SPTB: variants seen among roughly 807,000 people sequenced by gnomAD.
SPTB encodes the protein spectrin beta chain, erythrocytic.
SPTB carries 45 observed loss-of-function variants against 256.2 expected under a neutral mutation model. That is an observed-to-expected ratio of 0.18 (90% CI 0.14 to 0.23). The LOEUF (loss-of-function observed/expected upper bound fraction) is 0.23. Ranked by LOEUF, SPTB falls within the 10% of genes least tolerant of loss-of-function variation. The probability of loss-of-function intolerance (pLI) is 1.00; values close to 1 mark genes in which losing one functional copy is unlikely to be tolerated. For missense variants in SPTB, 2,715 were observed against 3,040.4 expected, an observed-to-expected ratio of 0.89 and a Z score of 2.52; for synonymous variants, 1,231 against 1,243.1, an observed-to-expected ratio of 0.99 and a Z score of 0.21.
chr14:64,836,117 C>A (rs1467774290), intron 1 of SPTB, among the ~76,000 whole-genome samples: 1 of 152,154 alleles, frequency 6.6e-6, no homozygotes, highest in African/African-American at 2.4e-5. Flanking sequence ...CACTTCAAGG[C>A]CTTAGCCATA....
At position 64,774,479 on chromosome 14, in the gene SPTB, G is replaced by A. The variant is rs372503030; in HGVS notation, c.4891C>T (p.Arg1631Cys). ...VMLKRHLRQQRAVEDYGRNIK... is the reference protein window; with the variant it reads ...VMLKRHLRQQCAVEDYGRNIK... Reference sequence around the variant, plus strand: ...TTCCGGCCGTAGTCCTCCACCGCACGCTGCTGCCGCAAATGTCGCTTCAGC... The same window carrying A: ...TTCCGGCCGTAGTCCTCCACCGCACACTGCTGCCGCAAATGTCGCTTCAGC... Residue 1631 changes from arginine (R) to cysteine (C), a missense_variant, in exon 24 of 36, where the codon CGT becomes TGT. By Grantham distance (180) the Arg-to-Cys change is radical. This residue lies in a region of SPTB where 2,239 missense variants were observed against 2,384.4 expected (regional missense o/e 0.94). Coordinates refer to ENST00000644917, the MANE Select transcript of SPTB (RefSeq NM_001355436.2). 113 of 1,556,072 alleles carry A rather than the reference G, an allele frequency of 7.3e-5. No individual in the cohort carries two copies. Among genetic ancestry groups the A allele is most frequent in the Admixed American group, 5.4e-4 (28 of 51,740 alleles).
intron 1 of SPTB, among the ~76,000 whole-genome samples, chr14:64,834,038 CT>C (rs1397429891): frequency 6.6e-6 from 1 of 151,888 alleles, no homozygotes; most frequent in East Asian, 1.9e-4. Flanking sequence ...TTTTTTGTTT[CT>C]TTTTTAAAAC....
Position 64,875,856 on chromosome 14 carries a change from C to G in SPTB, c.-52+3936G>C, listed in dbSNP as rs1253550705. 2.6e-5 allele frequency among the ~76,000 whole-genome samples: 4 copies of G among 152,228 alleles called. No homozygotes were observed. The East Asian group carries it at 7.7e-4, about 29-fold the overall frequency. On this transcript the variant is annotated intron_variant, in intron 1 of 35. Coordinates refer to ENST00000644917, the MANE Select transcript of SPTB (RefSeq NM_001355436.2). ...CCCACATAGCACAGTTATTTTCACT[C>G]TTGATCTTCCCAAGTTCATTGATAA...
chr14:64,781,274 A>G (rs1234867766), intron 20 of SPTB, among the ~76,000 whole-genome samples: 1 of 152,250 alleles, frequency 6.6e-6, no homozygotes, highest in Non-Finnish European at 1.5e-5. Context: ...AACTATCAAC[A>G]GAGTAAACAG....
Position 64,772,367 on chromosome 14 carries a change from T to A in SPTB, c.5553+213A>T, listed in dbSNP as rs952816827. Among the ~76,000 whole-genome samples the A allele has an allele frequency of 4.6e-5, 7 of 152,246 alleles. No homozygotes were observed. The highest frequency in any genetic ancestry group is 1.7e-4 in the African/African-American group (7 of 41,462). On this transcript the variant is annotated intron_variant, in intron 26 of 35. Transcript: ENST00000644917. The surrounding 1 kb of genome is among the most constrained non-coding windows in gnomAD (Gnocchi z 5.4). ...CTGCAACCGTATAGTATTGTATGCA[T>A]TGGCCTTTTGTGAGGATTCAGTTTA... is the stretch of plus-strand genomic sequence containing the variant.
At position 64,807,731 on chromosome 14, in the gene SPTB, G is replaced by A. The variant is rs1197211805; in HGVS notation, c.149-2641C>T. 6.6e-6 allele frequency among the ~76,000 whole-genome samples: 1 copy of A among 152,266 alleles called. No homozygotes were observed. Among genetic ancestry groups the A allele is most frequent in the East Asian group, 1.9e-4 (1 of 5,198 alleles). On this transcript the variant is annotated intron_variant, in intron 2 of 35. Coordinates refer to ENST00000644917, the MANE Select transcript of SPTB (RefSeq NM_001355436.2). This position sits in a 1 kb window ranked among gnomAD's most constrained non-coding sequence, Gnocchi z 4.7. ...CGCACAGCCCAGATGCTCATCCCAA[G>A]CCTTCCAAGGGCAGGAGAGGCGGTG...
At position 64,795,160 on chromosome 14, in the gene SPTB, T is replaced by G. The variant is rs1423403880; in HGVS notation, c.1644+177A>C. Among the ~76,000 whole-genome samples, 2 of 152,042 alleles carry G rather than the reference T, an allele frequency of 1.3e-5. No individual in the cohort carries two copies. Among genetic ancestry groups the G allele is most frequent in the African/African-American group, 2.4e-5 (1 of 41,390 alleles). On this transcript the variant is annotated intron_variant, in intron 12 of 35. Coordinates refer to ENST00000644917, the MANE Select transcript of SPTB (RefSeq NM_001355436.2). This position sits in a 1 kb window ranked among gnomAD's most constrained non-coding sequence, Gnocchi z 6.5. ...GCTGGTATCACCTGCTGGAGCAGAG[T>G]GGACCAAGAGGCAGAGAGGCAGGTG...
chr14:64,798,393 G>C (rs2082817677), intron 9 of SPTB, among the ~76,000 whole-genome samples: 1 of 152,240 alleles, frequency 6.6e-6, no homozygotes, highest in African/African-American at 2.4e-5. Flanking sequence ...AGGCAGGAAA[G>C]GCTGGGCTCT....
intron 1 of SPTB, among the ~76,000 whole-genome samples, chr14:64,867,957 G>A (rs891888088): frequency 6.6e-6 from 1 of 151,848 alleles, no homozygotes; most frequent in Non-Finnish European, 1.5e-5. Flanking sequence ...CATGGAGGCA[G>A]GAAAATGAGC....
intron 1 of SPTB, among the ~76,000 whole-genome samples, chr14:64,863,301 G>A (rs1881965199): frequency 6.6e-6 from 1 of 151,760 alleles, no homozygotes; most frequent in South Asian, 2.1e-4. Context: ...GATAGCTGAT[G>A]AGCGAAAAAA....
Position 64,807,741 on chromosome 14 carries a change from G to A in SPTB, c.149-2651C>T, listed in dbSNP as rs977552140. Among the ~76,000 whole-genome samples the A allele has an allele frequency of 1.3e-5, 2 of 152,238 alleles. No homozygotes were observed. Among genetic ancestry groups the A allele is most frequent in the African/African-American group, 4.8e-5 (2 of 41,466 alleles). Reference sequence around the variant, plus strand: ...AGATGCTCATCCCAAGCCTTCCAAGGGCAGGAGAGGCGGTGGCCTGGAGCC... The same window carrying A: ...AGATGCTCATCCCAAGCCTTCCAAGAGCAGGAGAGGCGGTGGCCTGGAGCC... On this transcript the variant is annotated intron_variant, in intron 2 of 35. Transcript: ENST00000644917. This position sits in a 1 kb window ranked among gnomAD's most constrained non-coding sequence, Gnocchi z 4.7.
At chr14:64,814,975 G>C (rs2083162394) in intron 2 of SPTB, among the ~76,000 whole-genome samples, 1 of 152,136 alleles carries the variant, frequency 6.6e-6, no homozygotes, top group Non-Finnish European at 1.5e-5. Context: ...AGAAAAAGGA[G>C]GTCATATTCA....
chr14:64,794,007 TC>T (rs1410721609), intron 13 of SPTB, 140 bp from the exon 14 acceptor site: 2 of 691,898 alleles, frequency 2.9e-6, no homozygotes, highest in Non-Finnish European at 4.7e-6. Flanking sequence ...TGCAGGGGGG[TC>T]CCAGTTGCTC....
Position 64,826,278 on chromosome 14 carries a change from C to T in SPTB, c.-51-3133G>A, listed in dbSNP as rs2083376946. 6.6e-6 allele frequency among the ~76,000 whole-genome samples: 1 copy of T among 152,152 alleles called. No homozygotes were observed. The highest frequency in any genetic ancestry group is 1.5e-5 in the Non-Finnish European group (1 of 68,024). ...AACACGAAGATATGCCTGTCCAAAACCAGATTTAACCCATTCTCGGCGTCA... is the reference window on the plus strand; with the variant it reads ...AACACGAAGATATGCCTGTCCAAAATCAGATTTAACCCATTCTCGGCGTCA... On this transcript the variant is annotated intron_variant, in intron 1 of 35. Transcript: ENST00000644917. This position sits in a 1 kb window ranked among gnomAD's most constrained non-coding sequence, Gnocchi z 4.4.
At chr14:64,765,908 G>T (rs372257408) in intron 32 of SPTB, among the ~76,000 whole-genome samples, 112 of 149,980 alleles carry the variant, frequency 7.5e-4, no homozygotes, top group African/African-American at 2.5e-3. Context: ...TGTGTGTGTG[G>T]GGGTGTGGTG....
At chr14:64,858,155 C>T (rs898250660) in intron 1 of SPTB, among the ~76,000 whole-genome samples, 1 of 152,164 alleles carries the variant, frequency 6.6e-6, no homozygotes, top group Non-Finnish European at 1.5e-5. Flanking sequence ...GTAGTCTCTG[C>T]CACACCACAC....
At chr14:64,801,443 TC>T in intron 6 of SPTB, 43 bp from the exon 7 acceptor site, 1 of 1,458,584 alleles carries the variant, frequency 6.9e-7, no homozygotes, top group Non-Finnish European at 9.6e-7. Context: ...AGCCACAGCA[TC>T]CCCACCAGGA....
At chr14:64,810,199 A>C (rs144400491) in intron 2 of SPTB, among the ~76,000 whole-genome samples, 1 of 152,362 alleles carries the variant, frequency 6.6e-6, no homozygotes, top group African/African-American at 2.4e-5. Context: ...GTCCCAGTAC[A>C]TACAGGCATT....
intron 32 of SPTB, among the ~76,000 whole-genome samples, chr14:64,765,230 G>A (rs936100280): frequency 6.6e-6 from 1 of 152,142 alleles, no homozygotes; most frequent in South Asian, 2.1e-4. Flanking sequence ...GCGGGCTCAC[G>A]GGACACCTGG....
Sources: gnomAD v4.1 joint callset for allele counts (sites outside exome capture counted in the v4.1 genomes callset) on GRCh38, gnomAD v4.1.1 for gene constraint, gnomAD v4.1.1 regional missense constraint, Gnocchi (gnomAD v3.1) non-coding constraint, MANE v1.5 for transcripts, NCBI Gene and HGNC (gene_info 2026-07-23, HGNC 2026-07-21) for gene names.